The following MYRIP variants were observed in gnomAD, a reference collection of about 807,000 sequenced individuals.
MYRIP encodes myosin VIIA and Rab interacting protein, also known as rab effector MyRIP.
MYRIP carries 49 observed loss-of-function variants against 98.0 expected under a neutral mutation model. That is an observed-to-expected ratio of 0.50 (90% CI 0.40 to 0.63). The LOEUF is 0.63. Ranked by LOEUF, MYRIP falls within the 30% of genes least tolerant of loss-of-function variation. MYRIP has a pLI of 0.00. For synonymous variants in MYRIP, 404 were observed against 409.5 expected (o/e 0.99, Z 0.16); for missense variants, 1,004 against 1,058.2 (o/e 0.95, Z 0.71).
At chr3:39,822,868 CTTT>C (rs35751546) in intron 1 of MYRIP, among the ~76,000 whole-genome samples, 1 of 146,852 alleles carries the variant, frequency 6.8e-6, no homozygotes. Flanking sequence ...GGATTTGATT[CTTT>C]TTTTTTTTTT....
chr3:40,074,460 T>C (rs978950634), intron 3 of MYRIP, among the ~76,000 whole-genome samples: 2 of 152,182 alleles, frequency 1.3e-5, no homozygotes, highest in African/African-American at 4.8e-5. Flanking sequence ...ATATTAAAAT[T>C]AAAATATAGA....
rs1180835750 is a variant in MYRIP, at chr3:40,244,609, TGAG to T, written c.2262+3_2262+5del. 6.2e-7 allele frequency: 1 copy of T among 1,610,118 alleles called. No individual in the cohort carries two copies. Among genetic ancestry groups the T allele is most frequent in the Non-Finnish European group, 8.5e-7 (1 of 1,178,244 alleles). On this transcript the variant is annotated splice_donor_5th_base_variant and intron_variant, in intron 13 of 16. Transcript: ENST00000302541. ...CAAGTCCACCATGCTGAACTCCAGG[TGAG>T]AACTCTCCTCTCTGCCCACATGGGT...
chr3:39,916,285 A>G (rs1410856015), intron 2 of MYRIP, among the ~76,000 whole-genome samples: 1 of 152,040 alleles, frequency 6.6e-6, no homozygotes, highest in Non-Finnish European at 1.5e-5. Context: ...AGACAGTAAC[A>G]CTGTCTCAAC....
chr3:40,183,188 C>A (rs1022481752), intron 9 of MYRIP, among the ~76,000 whole-genome samples: 2 of 152,198 alleles, frequency 1.3e-5, no homozygotes, highest in African/African-American at 4.8e-5. Context: ...TCACGTGGCC[C>A]CACCTCAATG....
intron 3 of MYRIP, among the ~76,000 whole-genome samples, chr3:40,050,278 G>T (rs1385730038): frequency 6.6e-6 from 1 of 152,126 alleles, no homozygotes; most frequent in Non-Finnish European, 1.5e-5. Context: ...TGATGTAGCT[G>T]GTGACTTCCA....
At chr3:39,878,618 A>G (rs1215280921) in intron 1 of MYRIP, among the ~76,000 whole-genome samples, 1 of 152,166 alleles carries the variant, frequency 6.6e-6, no homozygotes, top group Non-Finnish European at 1.5e-5. Context: ...ACATGTACAT[A>G]TATATCTTTT....
chr3:40,055,415 A>G (rs1315129479), intron 3 of MYRIP, among the ~76,000 whole-genome samples: 1 of 152,184 alleles, frequency 6.6e-6, no homozygotes, highest in Non-Finnish European at 1.5e-5. Flanking sequence ...AATGCTCCTC[A>G]TTTAGCCCCT....
At chr3:39,992,371 C>T (rs1375535989) in intron 2 of MYRIP, among the ~76,000 whole-genome samples, 1 of 152,202 alleles carries the variant, frequency 6.6e-6, no homozygotes, top group African/African-American at 2.4e-5. Context: ...CAGGTGCTTC[C>T]TGTCTCCAGC....
At chr3:40,153,049 G>T (rs1026333279) in intron 4 of MYRIP, among the ~76,000 whole-genome samples, 1 of 151,878 alleles carries the variant, frequency 6.6e-6, no homozygotes, top group Non-Finnish European at 1.5e-5. Context: ...AGCCCAGGAG[G>T]TTGAGGCTGC....
chr3:40,169,749 T>A (rs1950571220), intron 7 of MYRIP, among the ~76,000 whole-genome samples: 1 of 152,230 alleles, frequency 6.6e-6, no homozygotes, highest in Non-Finnish European at 1.5e-5. Context: ...AAAGGATTAT[T>A]TGTAAACTGT....
Position 40,259,983 on chromosome 3 carries a change from A to AAGCAGC in MYRIP, c.*1827_*1832dup, listed in dbSNP as rs10568656. ...TTGCAAACAAAAAACAACAAAAAAG[A>AAGCAGC]AGCAGCAGCAGCAGCCTGCTGTGTG... On this transcript the variant is annotated 3_prime_UTR_variant, in exon 17 of 17. Coordinates refer to ENST00000302541, the MANE Select transcript of MYRIP (RefSeq NM_015460.4). The AAGCAGC allele has an allele frequency of 6.6e-6, 1 of 152,458 alleles. No homozygotes were observed. The highest frequency in any genetic ancestry group is 1.5e-5 in the Non-Finnish European group (1 of 68,024). The allele number at this position is 152,458 out of a possible 1,614,324, so 9.4% of individuals were successfully genotyped here.
intron 13 of MYRIP, among the ~76,000 whole-genome samples, chr3:40,245,574 G>A (rs1251570278): frequency 6.7e-6 from 1 of 149,370 alleles, no homozygotes; most frequent in Admixed American, 6.7e-5. Context: ...GCATGAACCC[G>A]GGAGGCAGAG....
At chr3:40,062,554 G>C (rs1948039922) in intron 3 of MYRIP, among the ~76,000 whole-genome samples, 1 of 152,092 alleles carries the variant, frequency 6.6e-6, no homozygotes, top group African/African-American at 2.4e-5. Flanking sequence ...TAATGTGTAG[G>C]AGGACCCATA....
intron 2 of MYRIP, among the ~76,000 whole-genome samples, chr3:40,010,773 G>A (rs1042325073): frequency 3.0e-4 from 45 of 152,110 alleles, no homozygotes; most frequent in African/African-American, 9.2e-4. Flanking sequence ...AATCTCTTAG[G>A]ATGCCTGGTC....
intron 2 of MYRIP, among the ~76,000 whole-genome samples, chr3:40,035,434 A>G (rs1947358446): frequency 6.6e-6 from 1 of 151,988 alleles, no homozygotes; most frequent in South Asian, 2.1e-4. Flanking sequence ...GCACTGACAT[A>G]AAAAGCAGTC....
At chr3:39,834,002 C>T (rs1285187623) in intron 1 of MYRIP, among the ~76,000 whole-genome samples, 2 of 152,200 alleles carry the variant, frequency 1.3e-5, no homozygotes, top group African/African-American at 4.8e-5. Context: ...GCATTCCAGC[C>T]TGGGCAACAA....
intron 12 of MYRIP, among the ~76,000 whole-genome samples, chr3:40,240,960 C>G (rs763035172): frequency 7.2e-5 from 11 of 152,170 alleles, no homozygotes; most frequent in Non-Finnish European, 1.2e-4. Context: ...GGTATCTCCA[C>G]TGGTCAAACC....
At chr3:40,063,457 T>G (rs1349854782) in intron 3 of MYRIP, among the ~76,000 whole-genome samples, 1 of 152,222 alleles carries the variant, frequency 6.6e-6, no homozygotes, top group Non-Finnish European at 1.5e-5. Flanking sequence ...TATGAATGCT[T>G]ACTGAGTTTG....
chr3:40,158,853 A>C (rs570421885), intron 4 of MYRIP, among the ~76,000 whole-genome samples: 10 of 149,666 alleles, frequency 6.7e-5, no homozygotes, highest in African/African-American at 2.3e-4. Context: ...TGCTTGGTAG[A>C]TCTTCCTCCA....
Sources: allele counts gnomAD v4.1 joint callset (sites outside exome capture counted in the v4.1 genomes callset), GRCh38; gene constraint gnomAD v4.1.1; transcripts MANE v1.5; gene names NCBI Gene and HGNC (gene_info 2026-07-23, HGNC 2026-07-21).